SKAP1: variants seen among roughly 807,000 people sequenced by gnomAD.
SKAP1 encodes the protein src kinase-associated phosphoprotein 1.
SKAP1 carries 44 observed loss-of-function variants against 58.5 expected under a neutral mutation model. The observed-to-expected ratio is 0.75, with a 90% CI of 0.59 to 0.97. The LOEUF (loss-of-function observed/expected upper bound fraction) is 0.97. Ranked by LOEUF, SKAP1 falls within the 50% of genes least tolerant of loss-of-function variation. The pLI, the probability that SKAP1 is intolerant of heterozygous loss-of-function variation, is 0.00. For synonymous variants in SKAP1, 127 were observed against 149.7 expected (o/e 0.85, Z 1.11); for missense variants, 390 against 435.2 (o/e 0.90, Z 0.92).
At chr17:48,299,550 A>G (rs558264382) in intron 4 of SKAP1, among the ~76,000 whole-genome samples, 7 of 151,964 alleles carry the variant, frequency 4.6e-5, no homozygotes, top group African/African-American at 1.7e-4. Context: ...GTTCTTTAGG[A>G]TATGACAGAA....
At chr17:48,432,264 A>G (rs1012884563), upstream of SKAP1, among the ~76,000 whole-genome samples, 1 of 152,130 alleles carries the variant, frequency 6.6e-6, no homozygotes, top group Non-Finnish European at 1.5e-5. Context: ...CCCCGTCTCT[A>G]CTAATAATAC....
At chr17:48,239,232 A>G (rs1282045291) in intron 4 of SKAP1, among the ~76,000 whole-genome samples, 2 of 152,198 alleles carry the variant, frequency 1.3e-5, no homozygotes, top group Admixed American at 6.5e-5. Context: ...AGCCCAATTA[A>G]AGGGAAAGAA....
intron 4 of SKAP1, among the ~76,000 whole-genome samples, chr17:48,198,005 C>T (rs1426338755): frequency 6.6e-6 from 1 of 152,150 alleles, no homozygotes; most frequent in Non-Finnish European, 1.5e-5. Flanking sequence ...ATGATAGTAT[C>T]TAAATAAATG....
chr17:48,436,042 G>A, the SKAP1 span, among the ~76,000 whole-genome samples: 6,714 of 151,940 alleles, frequency 0.044, 459 homozygotes, highest in African/African-American at 0.15. Context: ...TTGTGTCAGT[G>A]TCCATTTCAT....
At chr17:48,158,066 A>G (rs1420532109) in intron 11 of SKAP1, among the ~76,000 whole-genome samples, 1 of 151,162 alleles carries the variant, frequency 6.6e-6, no homozygotes, top group Non-Finnish European at 1.5e-5. Flanking sequence ...AATCTCAGCT[A>G]CTTGGGAGGC....
intron 4 of SKAP1, among the ~76,000 whole-genome samples, chr17:48,198,316 G>T (rs1338260143): frequency 1.3e-5 from 2 of 151,842 alleles, no homozygotes; most frequent in Non-Finnish European, 2.9e-5. Context: ...TTAGCCGGGC[G>T]TGTTGGCGGG....
At chr17:48,362,319 C>G (rs898476851) in intron 3 of SKAP1, among the ~76,000 whole-genome samples, 2 of 152,182 alleles carry the variant, frequency 1.3e-5, no homozygotes, top group African/African-American at 2.4e-5. Context: ...AAATTATTTT[C>G]TCTTCTCAAC....
chr17:48,165,985 C>A (rs1232919816), intron 10 of SKAP1, among the ~76,000 whole-genome samples: 1 of 152,150 alleles, frequency 6.6e-6, no homozygotes, highest in East Asian at 1.9e-4. Flanking sequence ...AAAAACATAA[C>A]TCTGCACTAA....
At chr17:48,266,507 T>C (rs951067336) in intron 4 of SKAP1, among the ~76,000 whole-genome samples, 8 of 150,940 alleles carry the variant, frequency 5.3e-5, no homozygotes, top group African/African-American at 1.9e-4. Flanking sequence ...TTTCTTTTCT[T>C]ACTTTCTTTT....
At chr17:48,176,050 G>A (rs547366642) in intron 9 of SKAP1, among the ~76,000 whole-genome samples, 1 of 152,234 alleles carries the variant, frequency 6.6e-6, no homozygotes, top group Non-Finnish European at 1.5e-5. Context: ...CTGAACAACT[G>A]TACAGGGGGA....
At chr17:48,413,523 A>AAAAAAAAAAAAAAAAAAAAAAAAAAT in intron 1 of SKAP1, among the ~76,000 whole-genome samples, 2 of 105,498 alleles carry the variant, frequency 1.9e-5, no homozygotes, top group African/African-American at 8.6e-5. Flanking sequence ...TCAAAAAAAA[A>AAAAAAAAAAAAAAAAAAAAAAAAAAT]ATATATATAT....
intron 1 of SKAP1, among the ~76,000 whole-genome samples, chr17:48,406,062 C>G (rs2067578792): frequency 6.6e-6 from 1 of 151,820 alleles, no homozygotes; most frequent in African/African-American, 2.4e-5. Context: ...GTCAAGAGAT[C>G]GAGACCATCC....
chr17:48,325,674 T>C (rs2066427976), intron 4 of SKAP1, among the ~76,000 whole-genome samples: 1 of 152,254 alleles, frequency 6.6e-6, no homozygotes, highest in Non-Finnish European at 1.5e-5. Flanking sequence ...AAGTATCTAA[T>C]GTCAGACAGT....
chr17:48,381,415 T>C (rs891590220), intron 2 of SKAP1, among the ~76,000 whole-genome samples: 1 of 152,248 alleles, frequency 6.6e-6, no homozygotes, highest in Non-Finnish European at 1.5e-5. Context: ...ATGGTATTTC[T>C]GCATGCAATG....
intron 4 of SKAP1, among the ~76,000 whole-genome samples, chr17:48,320,367 A>G (rs1263093615): frequency 6.6e-6 from 1 of 152,222 alleles, no homozygotes; most frequent in Non-Finnish European, 1.5e-5. Context: ...GATGTCTTTC[A>G]AAAGTAAATT....
chr17:48,205,587 G>A lies in SKAP1; in HGVS notation c.281-16087C>T, dbSNP rs550738283. ...TACACCCAGCACATGAATGAAAAGG[G>A]ACTCACATATTGGTAATCACAGTGA... On this transcript the variant is annotated intron_variant, in intron 4 of 12. Transcript: ENST00000336915. Among the ~76,000 whole-genome samples, 12 of 152,160 alleles carry A rather than the reference G, an allele frequency of 7.9e-5. No homozygotes were observed. The South Asian group carries it at 2.5e-3, about 32-fold the overall frequency.
intron 4 of SKAP1, among the ~76,000 whole-genome samples, chr17:48,191,342 T>C (rs772242246): frequency 1.3e-5 from 2 of 152,254 alleles, no homozygotes; most frequent in Non-Finnish European, 2.9e-5. Flanking sequence ...TTTTAACATT[T>C]ATTCTTTTTA....
At chr17:48,198,348 G>C (rs913279825) in intron 4 of SKAP1, among the ~76,000 whole-genome samples, 3 of 151,024 alleles carry the variant, frequency 2.0e-5, no homozygotes, top group African/African-American at 7.3e-5. Context: ...CCAGCTACTC[G>C]GGAGGCTGAG....
At chr17:48,216,725 C>T (rs1226289446) in intron 4 of SKAP1, among the ~76,000 whole-genome samples, 2 of 152,116 alleles carry the variant, frequency 1.3e-5, no homozygotes, top group Non-Finnish European at 2.9e-5. Context: ...CTCCTGAGCT[C>T]AAGCGATTCA....
Sources: allele counts gnomAD v4.1 joint callset (sites outside exome capture counted in the v4.1 genomes callset), GRCh38; gene constraint gnomAD v4.1.1; transcripts MANE v1.5; gene names NCBI Gene and HGNC (gene_info 2026-07-23, HGNC 2026-07-21).